Variants in HAPLN1 observed in about 807,000 individuals in gnomAD.
HAPLN1 encodes hyaluronan and proteoglycan link protein 1.
In HAPLN1, 13 loss-of-function variants were observed where a neutral mutation model predicts 36.5. The observed-to-expected ratio is 0.36, with a 90% CI of 0.23 to 0.57. The LOEUF (loss-of-function observed/expected upper bound fraction) is 0.57, where lower values mean the gene tolerates loss of function less well. Among genes scored for constraint, HAPLN1 ranks in the 20% least tolerant of loss-of-function variants. HAPLN1 has a pLI of 0.83. For missense variants in HAPLN1, 407 were observed against 439.7 expected (o/e 0.93, Z 0.66); for synonymous variants, 202 against 169.8 (o/e 1.19, Z -1.48).
intron 2 of HAPLN1, among the ~76,000 whole-genome samples, chr5:83,654,033 A>G (rs73133814): frequency 6.6e-6 from 1 of 152,216 alleles, no homozygotes. Context: ...GCCATGAATC[A>G]TTTAAGATGT....
chr5:83,695,999 A>G (rs1432454477), intron 1 of HAPLN1, among the ~76,000 whole-genome samples: 1 of 152,124 alleles, frequency 6.6e-6, no homozygotes, highest in Non-Finnish European at 1.5e-5. Context: ...ATTTACAGAT[A>G]ACATGACAGT....
At chr5:83,651,906 A>G (rs942073528) in intron 3 of HAPLN1, 5 of 152,280 alleles carry the variant, frequency 3.3e-5, no homozygotes, top group Non-Finnish European at 7.3e-5. Flanking sequence ...TCTCCCACAA[A>G]ATGCCTCGAC....
At chr5:83,666,303 T>C (rs535854122) in intron 2 of HAPLN1, among the ~76,000 whole-genome samples, 1 of 152,282 alleles carries the variant, frequency 6.6e-6, no homozygotes, top group African/African-American at 2.4e-5. Context: ...GCCATTAAGC[T>C]ATAGTGCTTT....
At chr5:83,699,908 G>GT (rs1328823577) in intron 1 of HAPLN1, among the ~76,000 whole-genome samples, 2 of 152,048 alleles carry the variant, frequency 1.3e-5, no homozygotes, top group Non-Finnish European at 2.9e-5. Context: ...TGAAACAATT[G>GT]TTTTATTTAA....
At chr5:83,678,357 C>A (rs965163190) in intron 1 of HAPLN1, among the ~76,000 whole-genome samples, 2 of 151,928 alleles carry the variant, frequency 1.3e-5, no homozygotes, top group East Asian at 3.9e-4. Context: ...ATTTTACAAA[C>A]TCTTTATATT....
At chr5:83,711,168 A>C (rs1277161777) in intron 1 of HAPLN1, among the ~76,000 whole-genome samples, 4 of 152,186 alleles carry the variant, frequency 2.6e-5, no homozygotes, top group African/African-American at 4.8e-5. Flanking sequence ...GGTACAGACC[A>C]GAGGCTAGTT....
chr5:83,644,213 G>T (rs1032181301), intron 4 of HAPLN1, 150 bp downstream of exon 4: 46 of 577,816 alleles, frequency 8.0e-5, no homozygotes, highest in Admixed American at 2.6e-4. Flanking sequence ...TGACACTCAA[G>T]AACTTTTTAT....
intron 1 of HAPLN1, among the ~76,000 whole-genome samples, chr5:83,703,078 G>A (rs1428398531): frequency 2.0e-5 from 3 of 152,096 alleles, no homozygotes; most frequent in African/African-American, 7.2e-5. Context: ...TCCTGTTGGG[G>A]CATTGCAGTG....
intron 1 of HAPLN1, among the ~76,000 whole-genome samples, chr5:83,676,796 AT>A (rs1332647131): frequency 2.6e-5 from 4 of 152,184 alleles, no homozygotes; most frequent in African/African-American, 9.7e-5. Context: ...TTCACCTGCA[AT>A]TCACACATTG....
chr5:83,685,777 A>G (rs1205623840), intron 1 of HAPLN1: 1 of 152,182 alleles, frequency 6.6e-6, no homozygotes, highest in Non-Finnish European at 1.5e-5. Flanking sequence ...AGTAGTTACT[A>G]AGGGAACTCA....
chr5:83,652,252 G>T (rs1750083523), intron 3 of HAPLN1: 1 of 478,376 alleles, frequency 2.1e-6, no homozygotes, highest in Non-Finnish European at 3.7e-6. Flanking sequence ...CTTCAATTTT[G>T]CACATAAGCA....
chr5:83,654,153 A>G (rs1310528784), intron 2 of HAPLN1, among the ~76,000 whole-genome samples: 2 of 152,192 alleles, frequency 1.3e-5, no homozygotes, highest in East Asian at 1.9e-4. Context: ...CAGCATCTCT[A>G]TTTTTATCAT....
At chr5:83,645,679 C>T (rs191992893) in intron 3 of HAPLN1, among the ~76,000 whole-genome samples, 17 of 151,940 alleles carry the variant, frequency 1.1e-4, no homozygotes, top group Admixed American at 5.9e-4. Context: ...CAGTGAGGCA[C>T]GCCTCCATAG....
At chr5:83,714,892 T>G (rs1389544856) in intron 1 of HAPLN1, among the ~76,000 whole-genome samples, 1 of 152,250 alleles carries the variant, frequency 6.6e-6, no homozygotes, top group Non-Finnish European at 1.5e-5. Context: ...TGAACAGGAA[T>G]GTTAAAACAG....
At chr5:83,656,919 T>A (rs184496890) in intron 2 of HAPLN1, among the ~76,000 whole-genome samples, 1 of 152,136 alleles carries the variant, frequency 6.6e-6, no homozygotes, top group African/African-American at 2.4e-5. Context: ...TTTTAAACAA[T>A]AGGACAAGCA....
chr5:83,719,177 A>C (rs1751972995), intron 1 of HAPLN1, among the ~76,000 whole-genome samples: 1 of 152,250 alleles, frequency 6.6e-6, no homozygotes, highest in Non-Finnish European at 1.5e-5. Flanking sequence ...TTCCTCTGAG[A>C]GACAGGGCCT....
intron 1 of HAPLN1, among the ~76,000 whole-genome samples, chr5:83,701,003 T>A (rs1751496108): frequency 6.6e-6 from 1 of 152,160 alleles, no homozygotes; most frequent in Admixed American, 6.5e-5. Context: ...TTTCTGTAAT[T>A]CTGTTACACT....
chr5:83,686,383 C>T (rs1751127881), intron 1 of HAPLN1, among the ~76,000 whole-genome samples: 1 of 152,116 alleles, frequency 6.6e-6, no homozygotes, highest in Non-Finnish European at 1.5e-5. Context: ...AGAATCAGTT[C>T]TAGTGAGGCT....
At chr5:83,700,618 T>C (rs1178834981) in intron 1 of HAPLN1, among the ~76,000 whole-genome samples, 2 of 151,846 alleles carry the variant, frequency 1.3e-5, no homozygotes, top group Non-Finnish European at 2.9e-5. Flanking sequence ...TTCCTTTAAA[T>C]GTTTATGTCT....
Sources: gnomAD v4.1 joint callset for allele counts (sites outside exome capture counted in the v4.1 genomes callset) on GRCh38, gnomAD v4.1.1 for gene constraint, MANE v1.5 for transcripts, NCBI Gene and HGNC (gene_info 2026-07-23, HGNC 2026-07-21) for gene names.